PRKAR1B: variants seen among roughly 807,000 people sequenced by gnomAD.
PRKAR1B encodes the protein protein kinase cAMP-dependent type I regulatory subunit beta.
In PRKAR1B, 22 loss-of-function variants were observed where a neutral mutation model predicts 46.5. The observed-to-expected ratio is 0.47, with a 90% CI of 0.34 to 0.68. The LOEUF (loss-of-function observed/expected upper bound fraction) is 0.68. PRKAR1B is among the 30% of genes least tolerant of loss of function. The probability of loss-of-function intolerance (pLI) is 0.01; values close to 1 mark genes in which losing one functional copy is unlikely to be tolerated. For synonymous variants in PRKAR1B, 259 were observed against 217.7 expected (o/e 1.19, Z -1.67); for missense variants, 445 against 535.6 (o/e 0.83, Z 1.67).
Position 653,291 on chromosome 7 carries a change from C to T in PRKAR1B, c.440+23938G>A, listed in dbSNP as rs189426054. 4.2e-3 allele frequency among the ~76,000 whole-genome samples: 636 copies of T among 152,264 alleles called. 1 individual carries two copies. The highest frequency in any genetic ancestry group is 0.02 in the South Asian group (97 of 4,808). On this transcript the variant is annotated intron_variant, in intron 4 of 10. Coordinates refer to ENST00000537384, the MANE Select transcript of PRKAR1B (RefSeq NM_001164760.2). ...GGGTGGGTTGAATTCAGGAATTCAACGAGGCCTTCAAAGACCCAGGTTCTG... is the reference window on the plus strand; with the variant it reads ...GGGTGGGTTGAATTCAGGAATTCAATGAGGCCTTCAAAGACCCAGGTTCTG...
At chr7:594,114 C>T (rs1781135808) in intron 7 of PRKAR1B, among the ~76,000 whole-genome samples, 1 of 152,144 alleles carries the variant, frequency 6.6e-6, no homozygotes. Context: ...AAACCATCCC[C>T]CAGGACTCTC....
chr7:634,615 C>T (rs1465096632), intron 4 of PRKAR1B, among the ~76,000 whole-genome samples: 2 of 148,722 alleles, frequency 1.3e-5, no homozygotes, highest in Admixed American at 6.7e-5. Context: ...GCATTTAAGG[C>T]GTGGGGTCCT....
At chr7:559,108 G>A (rs1029102846) in intron 9 of PRKAR1B, among the ~76,000 whole-genome samples, 1 of 152,204 alleles carries the variant, frequency 6.6e-6, no homozygotes, top group Non-Finnish European at 1.5e-5. Flanking sequence ...CTGCATTAGG[G>A]CTAGGACTAC....
intron 7 of PRKAR1B, among the ~76,000 whole-genome samples, chr7:595,938 G>T (rs573680966): frequency 1.1e-4 from 17 of 152,310 alleles, no homozygotes; most frequent in African/African-American, 4.1e-4. Flanking sequence ...AAAGGAGGAC[G>T]GTGAAGGGGC....
intron 3 of PRKAR1B, among the ~76,000 whole-genome samples, chr7:678,795 G>T (rs191681825): frequency 1.3e-5 from 2 of 152,362 alleles, no homozygotes; most frequent in South Asian, 2.1e-4. Flanking sequence ...TTTTAAAAAT[G>T]TAAGTGTTGG....
chr7:728,601 T>TTAA (rs570228226), upstream of PRKAR1B, among the ~76,000 whole-genome samples: 352 of 152,286 alleles, frequency 2.3e-3, 1 homozygote, highest in African/African-American at 8.0e-3. Context: ...TTCCTGGCAT[T>TTAA]TAATGTATTT....
chr7:584,666 A>C (rs1780498345), intron 7 of PRKAR1B, 98 bp from the exon 8 acceptor site: 1 of 1,037,722 alleles, frequency 9.6e-7, no homozygotes, highest in Non-Finnish European at 1.5e-6. Flanking sequence ...TCAACTTTTA[A>C]ATGAGACCCT....
intron 8 of PRKAR1B, among the ~76,000 whole-genome samples, chr7:582,381 C>A (rs1053212974): frequency 5.9e-5 from 9 of 152,266 alleles, no homozygotes; most frequent in African/African-American, 2.2e-4. Context: ...TCATCCAGGG[C>A]CATCCCTCCG....
intron 4 of PRKAR1B, among the ~76,000 whole-genome samples, chr7:638,116 G>A (rs552313456): frequency 5.3e-5 from 8 of 152,330 alleles, no homozygotes; most frequent in African/African-American, 9.6e-5. Flanking sequence ...CCAGGCCCGC[G>A]TGGGCACCCA....
chr7:727,381 G>A, upstream of PRKAR1B: 1 of 932,300 alleles, frequency 1.1e-6, no homozygotes, highest in Non-Finnish European at 1.3e-6. Flanking sequence ...CACCTCCGCG[G>A]CCCCTCTCAC....
At chr7:670,834 G>C (rs760542724) in intron 4 of PRKAR1B, among the ~76,000 whole-genome samples, 1 of 151,608 alleles carries the variant, frequency 6.6e-6, no homozygotes, top group Non-Finnish European at 1.5e-5. Flanking sequence ...ATCCGGCAGC[G>C]GGGCTCCGGA....
intron 4 of PRKAR1B, among the ~76,000 whole-genome samples, chr7:651,793 G>A (rs557696530): frequency 6.2e-5 from 7 of 113,412 alleles, no homozygotes; most frequent in East Asian, 2.7e-4. Flanking sequence ...CCCACACAGC[G>A]CTAGGAACCT....
intron 4 of PRKAR1B, among the ~76,000 whole-genome samples, chr7:648,853 C>T (rs1017416278): frequency 6.6e-6 from 1 of 151,884 alleles, no homozygotes; most frequent in African/African-American, 2.4e-5. Context: ...CAAGATATCA[C>T]GGAGAAAATT....
intron 4 of PRKAR1B, among the ~76,000 whole-genome samples, chr7:663,440 C>A (rs1397040102): frequency 6.6e-6 from 1 of 152,128 alleles, no homozygotes; most frequent in Non-Finnish European, 1.5e-5. Context: ...TCTTGCTATG[C>A]TGCCCAGGCT....
intron 4 of PRKAR1B, among the ~76,000 whole-genome samples, chr7:611,171 G>A (rs1266183813): frequency 1.3e-5 from 2 of 152,256 alleles, no homozygotes; most frequent in African/African-American, 4.8e-5. Flanking sequence ...TCAGGCTGAA[G>A]CCCCTATCAT....
At chr7:634,214 G>T (rs1232836452) in intron 4 of PRKAR1B, among the ~76,000 whole-genome samples, 1 of 151,852 alleles carries the variant, frequency 6.6e-6, no homozygotes, top group Non-Finnish European at 1.5e-5. Flanking sequence ...GTAGAGACGG[G>T]GTTTCAAATG....
Position 551,383 on chromosome 7 carries a change from A to C in PRKAR1B, c.973+6T>G. On this transcript the variant is annotated splice_donor_region_variant and intron_variant, in intron 10 of 10. Transcript: ENST00000537384. ...GTGCGAGGGAGGGGACGCCCACTGG[A>C]CTCACCGAAGTAGTCAGAGGGTCCC... 1 of 1,554,324 alleles carries C rather than the reference A, an allele frequency of 6.4e-7. No individual in the cohort carries two copies. The highest frequency in any genetic ancestry group is 8.7e-7 in the Non-Finnish European group (1 of 1,148,854).
intron 9 of PRKAR1B, among the ~76,000 whole-genome samples, chr7:553,498 A>T (rs950541916): frequency 3.3e-5 from 5 of 152,194 alleles, no homozygotes; most frequent in Non-Finnish European, 7.3e-5. Context: ...GGAAGGTGGC[A>T]GCACCTGCAG....
At chr7:574,664 G>C (rs949547350) in intron 9 of PRKAR1B, among the ~76,000 whole-genome samples, 1 of 152,184 alleles carries the variant, frequency 6.6e-6, no homozygotes, top group Non-Finnish European at 1.5e-5. Context: ...GGCTGATCTT[G>C]AAGTCCTGAC....
Sources: gnomAD v4.1 joint callset for allele counts (sites outside exome capture counted in the v4.1 genomes callset) on GRCh38, gnomAD v4.1.1 for gene constraint, MANE v1.5 for transcripts, NCBI Gene and HGNC (gene_info 2026-07-23, HGNC 2026-07-21) for gene names.